Variants in SH3RF3 observed in about 807,000 individuals in gnomAD.
SH3RF3 encodes the protein SH3 domain containing ring finger 3, also known as E3 ubiquitin-protein ligase SH3RF3.
Under a neutral mutation model 66.3 loss-of-function variants are expected in SH3RF3, and 29 were observed. The ratio of observed to expected loss-of-function variants is 0.44; its 90% CI spans 0.33 to 0.60. The LOEUF is 0.60. Ranked by LOEUF, SH3RF3 falls within the 20% of genes least tolerant of loss-of-function variation. The probability of loss-of-function intolerance (pLI) is 0.04; values close to 1 mark genes in which losing one functional copy is unlikely to be tolerated. For synonymous variants in SH3RF3, 583 were observed against 532.0 expected (o/e 1.10, Z -1.32); for missense variants, 1,194 against 1,190.9 (o/e 1.00, Z -0.04).
At chr2:109,240,439 G>T (rs1272704256) in intron 1 of SH3RF3, among the ~76,000 whole-genome samples, 1 of 152,124 alleles carries the variant, frequency 6.6e-6, no homozygotes, top group Non-Finnish European at 1.5e-5. Context: ...AGTGAGCCAA[G>T]ATCGCACCTC....
Position 109,399,891 on chromosome 2 carries a change from G to C in SH3RF3, c.1299+948G>C, listed in dbSNP as rs559422488. On this transcript the variant is annotated intron_variant, in intron 4 of 9. Coordinates refer to ENST00000309415, the MANE Select transcript of SH3RF3 (RefSeq NM_001099289.3). The stretch of plus-strand genomic sequence containing the variant: ...GGCAGATGTCCATGGGTGAGCCCAA[G>C]GTGCCCACACAATGGTGCCCACTCC... 3.3e-5 allele frequency among the ~76,000 whole-genome samples: 5 copies of C among 152,328 alleles called. No homozygotes were observed. In the South Asian group the frequency reaches 6.2e-4, roughly 19 times the overall value.
chr2:109,305,867 C>T (rs996189078), intron 1 of SH3RF3, among the ~76,000 whole-genome samples: 5 of 152,238 alleles, frequency 3.3e-5, no homozygotes, highest in African/African-American at 4.8e-5. Flanking sequence ...AAGCAATCCA[C>T]GCAGAGCCCT....
chr2:109,430,886 A>G (rs1424107693), intron 5 of SH3RF3, among the ~76,000 whole-genome samples: 12 of 152,216 alleles, frequency 7.9e-5, no homozygotes, highest in Non-Finnish European at 1.3e-4. Flanking sequence ...GTTGGAGCCC[A>G]CAGCATGTCC....
chr2:109,312,848 T>G (rs1018368538), intron 1 of SH3RF3, among the ~76,000 whole-genome samples: 2 of 152,232 alleles, frequency 1.3e-5, no homozygotes, highest in African/African-American at 2.4e-5. Flanking sequence ...TACAAACATT[T>G]GCTTGAACAC....
intron 1 of SH3RF3, among the ~76,000 whole-genome samples, chr2:109,187,092 G>A (rs1678210769): frequency 6.7e-6 from 1 of 149,730 alleles, no homozygotes; most frequent in African/African-American, 2.4e-5. Flanking sequence ...CTAGCATCAT[G>A]ACCACACTCT....
rs528737879 is a variant in SH3RF3, at chr2:109,129,627, G to A, written c.87G>A (p.Glu29=). ...QSEGDEDRPG[E]RRRRRAAATA... ...AGGGCGACGAGGACAGGCCAGGCGA[G>A]CGACGGCGGCGTCGGGCGGCGGCCA... is the stretch of plus-strand genomic sequence containing the variant. The change falls in exon 1 of 10, where the codon GAG becomes GAA. Residue 29 remains glutamate, a synonymous_variant. Coordinates refer to ENST00000309415, the MANE Select transcript of SH3RF3 (RefSeq NM_001099289.3). The A allele has an allele frequency of 3.0e-5, 45 of 1,491,846 alleles. No homozygotes were observed. The South Asian group carries it at 5.7e-4, about 19-fold the overall frequency. The allele number at this position is 1,491,846 out of a possible 1,614,324, so 92.4% of individuals were successfully genotyped here.
At chr2:109,472,961 G>A (rs1230333576) in intron 8 of SH3RF3, among the ~76,000 whole-genome samples, 1 of 152,144 alleles carries the variant, frequency 6.6e-6, no homozygotes, top group African/African-American at 2.4e-5. Flanking sequence ...GAATGAATGT[G>A]GTGCTATAAA....
intron 8 of SH3RF3, among the ~76,000 whole-genome samples, chr2:109,463,647 G>A (rs115979862): frequency 6.2e-4 from 94 of 152,342 alleles, no homozygotes; most frequent in African/African-American, 2.2e-3. Flanking sequence ...GAAGCCATCA[G>A]ACCCTGAGGC....
intron 1 of SH3RF3, among the ~76,000 whole-genome samples, chr2:109,190,656 A>G (rs1303369947): frequency 6.6e-6 from 1 of 152,046 alleles, no homozygotes; most frequent in Non-Finnish European, 1.5e-5. Context: ...TTATTGTTTC[A>G]TTTCTACAGT....
At chr2:109,288,730 A>G (rs1414128009) in intron 1 of SH3RF3, among the ~76,000 whole-genome samples, 1 of 152,316 alleles carries the variant, frequency 6.6e-6, no homozygotes, top group African/African-American at 2.4e-5. Flanking sequence ...TCTTAGGAAC[A>G]TGGGTAAAAG....
chr2:109,401,155 G>C (rs1383705690), intron 4 of SH3RF3, among the ~76,000 whole-genome samples: 1 of 152,162 alleles, frequency 6.6e-6, no homozygotes, highest in South Asian at 2.1e-4. Flanking sequence ...TGCTAAGACT[G>C]GGGGGAGCTC....
chr2:109,398,772 C>G lies in SH3RF3; in HGVS notation c.1128C>G (p.Thr376=), dbSNP rs755673043. Residue 376 remains threonine (T), a synonymous_variant, in exon 4 of 10, where the codon ACC becomes ACG. Coordinates refer to ENST00000309415, the MANE Select transcript of SH3RF3 (RefSeq NM_001099289.3). ...FQRRVDGKKN[T]KKRHSFTALS... is the part of the protein sequence containing the mutation. ...GGCGTGTGGATGGCAAGAAGAACAC[C>G]AAGAAACGCCACTCCTTCACCGCGC... 1.2e-6 allele frequency: 2 copies of G among 1,613,718 alleles called. No individual in the cohort carries two copies. The highest frequency in any genetic ancestry group is 1.7e-6 in the Non-Finnish European group (2 of 1,179,788).
chr2:109,258,107 C>A (rs566983308), intron 1 of SH3RF3, among the ~76,000 whole-genome samples: 1 of 152,284 alleles, frequency 6.6e-6, no homozygotes, highest in African/African-American at 2.4e-5. Context: ...GGAGCTTAAC[C>A]GGCCCAGACA....
At chr2:109,200,403 C>CT (rs1222410282) in intron 1 of SH3RF3, among the ~76,000 whole-genome samples, 2 of 152,182 alleles carry the variant, frequency 1.3e-5, no homozygotes, top group African/African-American at 4.8e-5. Context: ...GTCTTTCTCT[C>CT]TTTCCCTCCA....
intron 1 of SH3RF3, among the ~76,000 whole-genome samples, chr2:109,270,304 G>T (rs1251839393): frequency 6.6e-6 from 1 of 152,184 alleles, no homozygotes; most frequent in Non-Finnish European, 1.5e-5. Flanking sequence ...GTGGCAAGCA[G>T]CCCTGTTGGA....
intron 1 of SH3RF3, among the ~76,000 whole-genome samples, chr2:109,183,268 G>A (rs549018398): frequency 6.6e-6 from 1 of 151,960 alleles, no homozygotes; most frequent in East Asian, 1.9e-4. Context: ...AGTTGAGTTA[G>A]TTTCAGGCTT....
intron 1 of SH3RF3, among the ~76,000 whole-genome samples, chr2:109,340,592 A>G (rs535868200): frequency 2.6e-5 from 4 of 152,206 alleles, no homozygotes; most frequent in Admixed American, 6.5e-5. Flanking sequence ...TACACTTAGA[A>G]GCATCTGCCT....
intron 8 of SH3RF3, among the ~76,000 whole-genome samples, chr2:109,482,021 C>T (rs1015266671): frequency 6.6e-6 from 1 of 152,196 alleles, no homozygotes. Flanking sequence ...TACTGAATGG[C>T]GTACTGGGGT....
At chr2:109,214,122 C>T (rs1226668959) in intron 1 of SH3RF3, among the ~76,000 whole-genome samples, 1 of 152,154 alleles carries the variant, frequency 6.6e-6, no homozygotes, top group Non-Finnish European at 1.5e-5. Context: ...TTGGGTGTGC[C>T]GGGTGCCCCC....
Sources: allele counts gnomAD v4.1 joint callset (sites outside exome capture counted in the v4.1 genomes callset), GRCh38; gene constraint gnomAD v4.1.1; transcripts MANE v1.5; gene names NCBI Gene and HGNC (gene_info 2026-07-23, HGNC 2026-07-21).